The following NPAS2 variants were observed in gnomAD, a reference collection of about 807,000 sequenced individuals.
NPAS2 encodes the protein neuronal PAS domain-containing protein 2.
NPAS2 carries 23 observed loss-of-function variants against 107.5 expected under a neutral mutation model. The ratio of observed to expected loss-of-function variants is 0.21; its 90% CI spans 0.15 to 0.30. NPAS2 has a LOEUF of 0.30. Ranked by LOEUF, NPAS2 falls within the 10% of genes least tolerant of loss-of-function variation. The probability of loss-of-function intolerance (pLI) is 1.00; values close to 1 mark genes in which losing one functional copy is unlikely to be tolerated. For synonymous variants in NPAS2, 403 were observed against 417.5 expected, an observed-to-expected ratio of 0.97 and a Z score of 0.42; for missense variants, 756 against 1,043.3, an observed-to-expected ratio of 0.72 and a Z score of 3.79.
chr2:100,945,470 C>T (rs531423196), intron 5 of NPAS2, among the ~76,000 whole-genome samples: 26 of 152,344 alleles, frequency 1.7e-4, no homozygotes, highest in African/African-American at 6.0e-4. Context: ...CCATTGCCAG[C>T]CTGACTTCCA....
At position 100,821,000 on chromosome 2, in the gene NPAS2, C is replaced by T; in HGVS notation, c.-23+586C>T. 1.6e-6 allele frequency: 2 copies of T among 1,283,902 alleles called. No individual in the cohort carries two copies. The highest frequency in any genetic ancestry group is 2.0e-6 in the Non-Finnish European group (2 of 977,440). 79.5% of individuals were successfully genotyped at this position (1,283,902 alleles called of 1,614,324 possible). Reference sequence around the variant, plus strand: ...TCCTCACGTCGCTGCCGCCCCCCCACCCCAACTCCGGAGCTCCCCAGGTTG... The same window carrying T: ...TCCTCACGTCGCTGCCGCCCCCCCATCCCAACTCCGGAGCTCCCCAGGTTG... On this transcript the variant is annotated intron_variant, in intron 1 of 20. Transcript: ENST00000335681. The surrounding 1 kb of genome is among the most constrained non-coding windows in gnomAD (Gnocchi z 5.6).
At chr2:100,887,487 C>T (rs1394195781) in intron 1 of NPAS2, among the ~76,000 whole-genome samples, 2 of 152,174 alleles carry the variant, frequency 1.3e-5, no homozygotes, top group Non-Finnish European at 2.9e-5. Flanking sequence ...GGACGTCATG[C>T]AGGCGAGCTG....
chr2:100,851,638 G>A (rs915379406), intron 1 of NPAS2, among the ~76,000 whole-genome samples: 2 of 152,222 alleles, frequency 1.3e-5, no homozygotes, highest in African/African-American at 4.8e-5. Flanking sequence ...GTTGTTTCTC[G>A]AGACTACAGA....
In NPAS2 at chr2:100,901,656, T is replaced by C. The variant is rs1302698119; in HGVS notation, c.-22-3077T>C. On this transcript the variant is annotated intron_variant, in intron 1 of 20. Transcript: ENST00000335681. ...CTTGGCTCCCTTCTTGTCCCTTCAC[T>C]GAAGGCCGCCTCCTATGGGACACAC... 8 of 564,390 alleles carry C rather than the reference T, an allele frequency of 1.4e-5. No individual in the cohort carries two copies. The East Asian group carries it at 1.2e-3, about 82-fold the overall frequency. The allele number at this position is 564,390 out of a possible 1,614,324, so 35.0% of individuals were successfully genotyped here.
At chr2:100,849,288 A>G (rs1677995154) in intron 1 of NPAS2, among the ~76,000 whole-genome samples, 1 of 152,190 alleles carries the variant, frequency 6.6e-6, no homozygotes, top group African/African-American at 2.4e-5. Context: ...AAGATACCCT[A>G]AATAGGGTCT....
chr2:100,982,497 T>C, intron 16 of NPAS2, 120 bp downstream of exon 16: 2 of 1,195,128 alleles, frequency 1.7e-6, no homozygotes, highest in Non-Finnish European at 2.3e-6. Flanking sequence ...CAAGCCCCAT[T>C]TGCTTATGAA....
intron 2 of NPAS2, among the ~76,000 whole-genome samples, chr2:100,906,314 GT>G (rs1302244287): frequency 2.6e-5 from 4 of 152,164 alleles, no homozygotes; most frequent in African/African-American, 9.7e-5. Context: ...CCTCTGGGAT[GT>G]TTTGGTTTCC....
At chr2:100,891,583 G>A (rs1184063026) in intron 1 of NPAS2, among the ~76,000 whole-genome samples, 1 of 152,212 alleles carries the variant, frequency 6.6e-6, no homozygotes, top group Non-Finnish European at 1.5e-5. Flanking sequence ...TCATGCCCAG[G>A]CTCCAAGGCC....
At chr2:100,975,269 T>C (rs1676905069) in intron 13 of NPAS2, 189 bp from the exon 14 acceptor site, 2 of 619,364 alleles carry the variant, frequency 3.2e-6, no homozygotes, top group Non-Finnish European at 5.7e-6. Context: ...TAGGGAGTGT[T>C]TGTGGTGTCT....
intron 1 of NPAS2, among the ~76,000 whole-genome samples, chr2:100,872,323 A>G (rs776869029): frequency 3.3e-5 from 5 of 152,206 alleles, no homozygotes; most frequent in Admixed American, 6.5e-5. Flanking sequence ...CAGTTTCCTC[A>G]TCTGGACAAA....
chr2:100,863,780 T>C (rs1347870369), intron 1 of NPAS2, among the ~76,000 whole-genome samples: 1 of 152,218 alleles, frequency 6.6e-6, no homozygotes, highest in African/African-American at 2.4e-5. Flanking sequence ...GTTTCTTCCA[T>C]CTGTGAGCTC....
chr2:100,994,524 C>T (rs868623080), intron 20 of NPAS2: 5 of 152,272 alleles, frequency 3.3e-5, no homozygotes, highest in African/African-American at 1.2e-4. Flanking sequence ...GCTATGAATA[C>T]AGAGAGCGCT....
chr2:100,928,012 C>T (rs539531088), intron 3 of NPAS2, among the ~76,000 whole-genome samples: 1 of 152,290 alleles, frequency 6.6e-6, no homozygotes, highest in South Asian at 2.1e-4. Context: ...TTCCACTGAA[C>T]ATTTTCCTAG....
chr2:100,930,670 T>C (rs1384087901), intron 3 of NPAS2, among the ~76,000 whole-genome samples: 1 of 152,216 alleles, frequency 6.6e-6, no homozygotes, highest in Admixed American at 6.5e-5. Flanking sequence ...AGGAGTCTAA[T>C]TCAGTTGTTG....
intron 7 of NPAS2, among the ~76,000 whole-genome samples, chr2:100,952,434 G>A (rs1006198315): frequency 2.6e-5 from 4 of 151,938 alleles, no homozygotes; most frequent in African/African-American, 7.3e-5. Context: ...CATGATGGCG[G>A]GTGCCTGTAA....
chr2:100,956,415 C>A (rs1013600697), intron 7 of NPAS2, among the ~76,000 whole-genome samples: 3 of 152,138 alleles, frequency 2.0e-5, no homozygotes, highest in Non-Finnish European at 4.4e-5. Context: ...ATCTTTATGT[C>A]CATGTGTACT....
chr2:100,877,641 G>A (rs766441469), intron 1 of NPAS2, among the ~76,000 whole-genome samples: 1 of 152,074 alleles, frequency 6.6e-6, no homozygotes, highest in Non-Finnish European at 1.5e-5. Context: ...AGTATCCTGT[G>A]AGTGTCATAG....
intron 1 of NPAS2, among the ~76,000 whole-genome samples, chr2:100,842,545 C>T (rs567439140): frequency 6.6e-6 from 1 of 152,168 alleles, no homozygotes; most frequent in African/African-American, 2.4e-5. Context: ...GCCCTTTTCC[C>T]TGACCCAGCT....
intron 1 of NPAS2, among the ~76,000 whole-genome samples, chr2:100,874,233 C>T (rs1679810496): frequency 6.6e-6 from 1 of 151,996 alleles, no homozygotes; most frequent in African/African-American, 2.4e-5. Context: ...AATCCGCCTG[C>T]CTCGGCCTCC....
Sources: allele counts gnomAD v4.1 joint callset (sites outside exome capture counted in the v4.1 genomes callset), GRCh38; gene constraint gnomAD v4.1.1; non-coding constraint Gnocchi (gnomAD v3.1); transcripts MANE v1.5; gene names NCBI Gene and HGNC (gene_info 2026-07-23, HGNC 2026-07-21).